Variants in AGMO observed in about 807,000 individuals in gnomAD.
AGMO encodes glyceryl-ether monooxygenase.
A neutral mutation model predicts 60.2 loss-of-function variants in AGMO; 75 were observed. The observed-to-expected ratio is 1.25, with a 90% CI of 1.03 to 1.51. The LOEUF (loss-of-function observed/expected upper bound fraction) is 1.51. AGMO is among the 40% of genes most tolerant of loss of function. The pLI, the probability that AGMO is intolerant of heterozygous loss-of-function variation, is 0.00. For synonymous variants in AGMO, 261 were observed against 177.1 expected (o/e 1.47, Z -3.76); for missense variants, 763 against 525.5 (o/e 1.45, Z -4.42).
chr7:15,457,102 C>T (rs1782018075), intron 3 of AGMO, among the ~76,000 whole-genome samples: 1 of 152,026 alleles, frequency 6.6e-6, no homozygotes, highest in African/African-American at 2.4e-5. Context: ...TATTCAGTTG[C>T]TTTTTAAACA....
intron 10 of AGMO, among the ~76,000 whole-genome samples, chr7:15,375,324 A>C (rs1783405734): frequency 6.6e-6 from 1 of 152,016 alleles, no homozygotes; most frequent in Admixed American, 6.6e-5. Context: ...TTTCCAAAAT[A>C]CAGAAGAGAA....
chr7:15,287,070 G>C (rs1784118082), intron 12 of AGMO, among the ~76,000 whole-genome samples: 1 of 152,082 alleles, frequency 6.6e-6, no homozygotes, highest in Non-Finnish European at 1.5e-5. Flanking sequence ...TGGAGACATA[G>C]AAGCGGGAAG....
At chr7:15,250,369 T>G (rs1782893798) in intron 12 of AGMO, among the ~76,000 whole-genome samples, 1 of 152,116 alleles carries the variant, frequency 6.6e-6, no homozygotes. Flanking sequence ...GGCACAACAG[T>G]AAAGTAGCAA....
intron 2 of AGMO, among the ~76,000 whole-genome samples, chr7:15,548,532 G>T (rs1393171842): frequency 6.6e-6 from 1 of 152,090 alleles, no homozygotes; most frequent in Non-Finnish European, 1.5e-5. Flanking sequence ...GAAGGCTCAG[G>T]AGCCGATGTG....
At chr7:15,182,686 C>T in the AGMO span, among the ~76,000 whole-genome samples, 1 of 152,032 alleles carries the variant, frequency 6.6e-6, no homozygotes, top group Admixed American at 6.6e-5. Context: ...CAAAGTGCTG[C>T]GATTATAGGA....
At chr7:15,303,240 T>C (rs1169480115) in intron 12 of AGMO, among the ~76,000 whole-genome samples, 2 of 152,154 alleles carry the variant, frequency 1.3e-5, no homozygotes, top group African/African-American at 4.8e-5. Context: ...GTTTTCAGAA[T>C]GGTACATTCA....
rs556177516 is a variant in AGMO at position 15,332,740 on chromosome 7, A to G, written c.1263+32774T>C. 5.3e-5 allele frequency among the ~76,000 whole-genome samples: 8 copies of G among 152,268 alleles called. No homozygotes were observed. The South Asian group carries it at 1.7e-3, about 32-fold the overall frequency. On this transcript the variant is annotated intron_variant, in intron 12 of 12. Coordinates refer to ENST00000342526, the MANE Select transcript of AGMO (RefSeq NM_001004320.2). The stretch of plus-strand genomic sequence containing the variant: ...ATCAGGTGCTTAATAAACAGTATTT[A>G]TTGTTATTCAAAATAAAAATTATTT...
intron 12 of AGMO, among the ~76,000 whole-genome samples, chr7:15,295,925 T>A (rs2128523890): frequency 6.6e-6 from 1 of 152,290 alleles, no homozygotes; most frequent in East Asian, 1.9e-4. Flanking sequence ...TACACATATT[T>A]TCCGTGGTCA....
rs569558081 is a variant in AGMO, at chr7:15,545,495, T to C, written c.258-572A>G. ...TTATTTTCTCTTTCACACACACACA[T>C]ACACACACATATATATTATACTTAT... On this transcript the variant is annotated intron_variant, in intron 2 of 12. Transcript: ENST00000342526. Among the ~76,000 whole-genome samples, 45 of 151,738 alleles carry C rather than the reference T, an allele frequency of 3.0e-4. No individual in the cohort carries two copies. The South Asian group carries it at 8.1e-3, about 27-fold the overall frequency.
chr7:15,341,561 G>A (rs1254791231), intron 12 of AGMO, among the ~76,000 whole-genome samples: 1 of 152,060 alleles, frequency 6.6e-6, no homozygotes, highest in Non-Finnish European at 1.5e-5. Context: ...CTTCTTCTGG[G>A]CCCTCCAAAC....
chr7:15,499,904 T>TACACACAC lies in AGMO; in HGVS notation c.409+44867_409+44868insGTGTGTGT, dbSNP rs1347113008. 6.0e-3 allele frequency among the ~76,000 whole-genome samples: 430 copies of TACACACAC among 71,532 alleles called. 2 individuals are homozygous for TACACACAC. The highest frequency in any genetic ancestry group is 0.018 in the African/African-American group (411 of 22,650). The allele number at this position is 71,532 out of a possible 152,430, so 46.9% of individuals were successfully genotyped here. On this transcript the variant is annotated intron_variant, in intron 3 of 12. Coordinates refer to ENST00000342526, the MANE Select transcript of AGMO (RefSeq NM_001004320.2). ...GAAGGAATGGGAATATTATATGTAT[T>TACACACAC]ACGCACACACACACACACACACACA...
At chr7:15,392,311 T>C (rs1784176157) in intron 6 of AGMO, among the ~76,000 whole-genome samples, 2 of 129,010 alleles carry the variant, frequency 1.6e-5, no homozygotes, top group African/African-American at 6.5e-5. Context: ...CCTGACCTCG[T>C]GATCCGCGAT....
chr7:15,171,923 A>C, the AGMO span, among the ~76,000 whole-genome samples: 3 of 152,208 alleles, frequency 2.0e-5, no homozygotes, highest in African/African-American at 7.2e-5. Flanking sequence ...CCACATATCT[A>C]AGTACCTATC....
rs1781225323 is a variant in AGMO, at chr7:15,431,091, C to T, written c.427G>A (p.Ala143Thr). ...RMAHEVNIMW[A>T]GHQTHHSSED... ...GAACTATGATGTGTTTGGTGTCCGG[C>T]CCACATAATATTAACTTCTGCAAAA... The change falls in exon 4 of 13, where the codon GCC becomes ACC. Residue 143 changes from alanine to threonine, a missense_variant. By Grantham distance (58) the Ala-to-Thr change is moderately conservative. Transcript: ENST00000342526. The T allele has an allele frequency of 6.2e-7, 1 of 1,610,298 alleles. No individual in the cohort carries two copies. Among genetic ancestry groups the T allele is most frequent in the African/African-American group, 1.3e-5 (1 of 74,644 alleles).
chr7:15,483,259 T>C (rs1782809166), intron 3 of AGMO, among the ~76,000 whole-genome samples: 1 of 152,214 alleles, frequency 6.6e-6, no homozygotes, highest in Admixed American at 6.5e-5. Flanking sequence ...TTAGAAGTGA[T>C]ATTTTTAAAT....
At chr7:15,464,937 T>C (rs367715925) in intron 3 of AGMO, among the ~76,000 whole-genome samples, 2 of 152,202 alleles carry the variant, frequency 1.3e-5, no homozygotes, top group South Asian at 4.1e-4. Flanking sequence ...AGCAATGTTC[T>C]GTGTTCACTG....
At chr7:15,198,196 CGAGAGAGAGAGA>C (rs748392069), downstream of AGMO, among the ~76,000 whole-genome samples, 2,250 of 77,340 alleles carry the variant, frequency 0.029, 26 homozygotes, top group Middle Eastern at 0.052. Flanking sequence ...AGGGCTTTCC[CGAGAGAGAGAGA>C]GAGAGAGAGA....
At chr7:15,166,614 C>T in the AGMO span, among the ~76,000 whole-genome samples, 83,059 of 151,928 alleles carry the variant, frequency 0.55, 23,858 homozygotes, top group East Asian at 0.71. Flanking sequence ...AAGAAGATTA[C>T]TTAAGGAAAA....
chr7:15,492,186 T>C (rs1242059976), intron 3 of AGMO, among the ~76,000 whole-genome samples: 1 of 152,222 alleles, frequency 6.6e-6, no homozygotes, highest in Admixed American at 6.5e-5. Context: ...TGGTTTGGCA[T>C]AACACAGCTA....
Sources: allele counts gnomAD v4.1 joint callset (sites outside exome capture counted in the v4.1 genomes callset), GRCh38; gene constraint gnomAD v4.1.1; transcripts MANE v1.5; gene names NCBI Gene and HGNC (gene_info 2026-07-23, HGNC 2026-07-21).